RPAP3: variants seen among roughly 807,000 people sequenced by gnomAD.
RPAP3 encodes RNA polymerase II associated protein 3.
A neutral mutation model predicts 88.8 loss-of-function variants in RPAP3; 58 were observed. That is an observed-to-expected ratio of 0.65 (90% confidence interval 0.53 to 0.81). The LOEUF is 0.81. RPAP3 is among the 40% of genes least tolerant of loss of function. The pLI is 0.00. For missense variants in RPAP3, 751 were observed against 764.3 expected, an observed-to-expected ratio of 0.98 and a Z score of 0.20; for synonymous variants, 255 against 259.9, an observed-to-expected ratio of 0.98 and a Z score of 0.18.
chr12:47,689,335 T>C (rs2136632578), intron 6 of RPAP3, 140 bp from the exon 7 acceptor site: 1 of 504,546 alleles, frequency 2.0e-6, no homozygotes, highest in East Asian at 3.5e-5. Context: ...ATACTATCAT[T>C]AGGCCACTGA....
chr12:47,683,848 C>T (rs1171551063), intron 9 of RPAP3, among the ~76,000 whole-genome samples: 1 of 152,096 alleles, frequency 6.6e-6, no homozygotes, highest in Non-Finnish European at 1.5e-5. Flanking sequence ...GTGTAAATGC[C>T]GCCCCTAATC....
chr12:47,678,656 C>T (rs1318479210), intron 12 of RPAP3, among the ~76,000 whole-genome samples: 2 of 152,222 alleles, frequency 1.3e-5, no homozygotes, highest in Non-Finnish European at 2.9e-5. Flanking sequence ...AAATGCTCAT[C>T]ATCACTGGCC....
rs1939182940 is a variant in RPAP3, at chr12:47,679,569, T to C, written c.1211A>G (p.Asp404Gly). Residue 404 changes from aspartate to glycine, a missense_variant, in exon 12 of 17, where the codon GAT (aspartate) becomes GGT (glycine). By Grantham distance (94) the Asp-to-Gly change is moderately conservative. Coordinates refer to ENST00000005386, the MANE Select transcript of RPAP3 (RefSeq NM_024604.3). ...TTGTGTGGAATCAAGAAAGACATCA[T>C]CCCAGTGTCCTTTCTCAATTAATTC... The part of the protein sequence containing the change: ...KKELIEKGHW[D>G]DVFLDSTQRQ... 3 of 1,604,254 alleles carry C rather than the reference T, an allele frequency of 1.9e-6. No homozygotes were observed. The highest frequency in any genetic ancestry group is 2.6e-6 in the Non-Finnish European group (3 of 1,174,386).
rs747023163 is a variant in RPAP3 at position 47,679,752 on chromosome 12, C to G, written c.1137G>C (p.Leu379=). 1 of 1,606,124 alleles carries G rather than the reference C, an allele frequency of 6.2e-7. No individual in the cohort carries two copies. Among genetic ancestry groups the G allele is most frequent in the Non-Finnish European group, 8.5e-7 (1 of 1,175,748 alleles). Residue 379 remains leucine, a synonymous_variant, in exon 11 of 17, where the codon CTG becomes CTC. Coordinates refer to ENST00000005386, the MANE Select transcript of RPAP3 (RefSeq NM_024604.3). ...AKQDFETVLL[L]EPGNKQAVTE... is the part of the protein sequence containing the mutation. ...TTACTGCTTGCTTATTTCCAGGTTCCAGAAGTAAAACAGTTTCAAAATCTA... is the reference window on the plus strand; with the variant it reads ...TTACTGCTTGCTTATTTCCAGGTTCGAGAAGTAAAACAGTTTCAAAATCTA...
At chr12:47,673,929 G>A (rs1939053964) in intron 12 of RPAP3, among the ~76,000 whole-genome samples, 1 of 151,890 alleles carries the variant, frequency 6.6e-6, no homozygotes, top group Non-Finnish European at 1.5e-5. Flanking sequence ...ATGTAAAACT[G>A]CTTGAAATTC....
At chr12:47,698,233 C>A (rs1939576382) in intron 3 of RPAP3, among the ~76,000 whole-genome samples, 1 of 152,094 alleles carries the variant, frequency 6.6e-6, no homozygotes, top group East Asian at 1.9e-4. Flanking sequence ...CTTGAGGGAA[C>A]TGAAATGCAG....
intron 3 of RPAP3, 168 bp downstream of exon 3, chr12:47,701,296 C>G: frequency 2.4e-6 from 1 of 425,046 alleles, no homozygotes; most frequent in Non-Finnish European, 4.0e-6. Flanking sequence ...AAAATTATCT[C>G]ATTAACTAAA....
chr12:47,689,061 G>A (rs1939378378), intron 7 of RPAP3, 64 bp downstream of exon 7: 1 of 734,680 alleles, frequency 1.4e-6, no homozygotes, highest in Admixed American at 2.7e-5. Flanking sequence ...CAAAATCTAT[G>A]CAAAAAGCTT....
chr12:47,702,060 T>TG (rs2136646235), intron 2 of RPAP3, among the ~76,000 whole-genome samples: 1 of 152,352 alleles, frequency 6.6e-6, no homozygotes, highest in African/African-American at 2.4e-5. Flanking sequence ...GGTATGTTAA[T>TG]ATATCATTAG....
In RPAP3 at chr12:47,697,688, T is replaced by A. The variant is rs994992515; in HGVS notation, c.326A>T (p.Asp109Val). The A allele has an allele frequency of 6.2e-7, 1 of 1,607,670 alleles. No homozygotes were observed. Among genetic ancestry groups the A allele is most frequent in the South Asian group, 1.1e-5 (1 of 89,384 alleles). ...DRILDELDKDDSTHESLSQES... is the reference protein window; with the variant it reads ...DRILDELDKDVSTHESLSQES... ...TTGAGACAGAGACTCATGGGTACTA[T>A]CGTCTTTGTCAAGCTCATCAAGGAT... The change falls in exon 4 of 17, where the codon GAT (aspartate) becomes GTT (valine). Residue 109 changes from aspartate (D) to valine (V), a missense_variant. Asp to Val is a radical substitution (Grantham distance 152). Transcript: ENST00000005386.
At chr12:47,689,058 T>G in intron 7 of RPAP3, 67 bp downstream of exon 7, 1 of 724,458 alleles carries the variant, frequency 1.4e-6, no homozygotes, top group Non-Finnish European at 2.4e-6. Context: ...GTACAAAATC[T>G]ATGCAAAAAG....
At chr12:47,675,506 C>T (rs1487094127) in intron 12 of RPAP3, among the ~76,000 whole-genome samples, 16 of 152,096 alleles carry the variant, frequency 1.1e-4, no homozygotes, top group African/African-American at 3.6e-4. Context: ...ACCCATCTCA[C>T]GTGCAAAGAC....
intron 15 of RPAP3, among the ~76,000 whole-genome samples, chr12:47,667,385 A>C (rs1478035962): frequency 6.6e-6 from 1 of 152,092 alleles, no homozygotes; most frequent in African/African-American, 2.4e-5. Context: ...TTCCCTTTTT[A>C]TTGTCTGTAC....
chr12:47,692,399 C>T (rs565020532), intron 5 of RPAP3, among the ~76,000 whole-genome samples: 5 of 152,336 alleles, frequency 3.3e-5, no homozygotes, highest in African/African-American at 9.6e-5. Flanking sequence ...GCAGGTTCTC[C>T]GTCAGCACCT....
chr12:47,672,088 A>G (rs189255176), intron 12 of RPAP3, among the ~76,000 whole-genome samples: 1,252 of 106,100 alleles, frequency 0.012, 12 homozygotes, highest in African/African-American at 0.047. Context: ...ACAAATGAAG[A>G]AAAAAAAAGG....
chr12:47,686,383 A>G (rs1939320226), intron 9 of RPAP3, among the ~76,000 whole-genome samples: 1 of 152,230 alleles, frequency 6.6e-6, no homozygotes, highest in South Asian at 2.1e-4. Context: ...ATAATTTTTA[A>G]TCAAGATCCA....
intron 5 of RPAP3, 142 bp from the exon 6 acceptor site, chr12:47,690,781 T>G: frequency 2.1e-6 from 1 of 486,910 alleles, no homozygotes; most frequent in Non-Finnish European, 3.5e-6. Context: ...TTCAGTTAAT[T>G]AAGCATAATA....
intron 16 of RPAP3, among the ~76,000 whole-genome samples, chr12:47,666,261 A>T (rs911560652): frequency 2.6e-5 from 4 of 152,190 alleles, no homozygotes; most frequent in African/African-American, 9.7e-5. Flanking sequence ...TTATGCCAAA[A>T]ATTGTGATGT....
At chr12:47,678,385 C>T (rs1939157795) in intron 12 of RPAP3, among the ~76,000 whole-genome samples, 1 of 152,122 alleles carries the variant, frequency 6.6e-6, no homozygotes, top group African/African-American at 2.4e-5. Flanking sequence ...CAATGAAAGC[C>T]ATAATAGACA....
Sources: allele counts gnomAD v4.1 joint callset (sites outside exome capture counted in the v4.1 genomes callset), GRCh38; gene constraint gnomAD v4.1.1; transcripts MANE v1.5; gene names NCBI Gene and HGNC (gene_info 2026-07-23, HGNC 2026-07-21).